The following HDAC4 variants were observed in gnomAD, a reference collection of about 807,000 sequenced individuals.
HDAC4 encodes the protein histone deacetylase 4.
In HDAC4, 16 loss-of-function variants were observed where a neutral mutation model predicts 135.1. The ratio of observed to expected loss-of-function variants is 0.12; its 90% CI spans 0.08 to 0.18. HDAC4 has a LOEUF of 0.18. Among genes scored for constraint, HDAC4 ranks in the 10% least tolerant of loss-of-function variants. The pLI, the probability that HDAC4 is intolerant of heterozygous loss-of-function variation, is 1.00. For missense variants in HDAC4, 1,143 were observed against 1,511.8 expected, an observed-to-expected ratio of 0.76 and a Z score of 4.05; for synonymous variants, 685 against 653.4, an observed-to-expected ratio of 1.05 and a Z score of -0.74.
chr2:239,329,897 C>T (rs1002852067), intron 2 of HDAC4, among the ~76,000 whole-genome samples: 5 of 151,956 alleles, frequency 3.3e-5, no homozygotes, highest in South Asian at 2.1e-4. Flanking sequence ...TAGTGGGAGG[C>T]GGCCACGGGT....
chr2:239,320,071 T>C (rs1378200989), intron 2 of HDAC4, among the ~76,000 whole-genome samples: 1 of 151,880 alleles, frequency 6.6e-6, no homozygotes, highest in Non-Finnish European at 1.5e-5. Context: ...TAAATGCGTG[T>C]GGAGGGGATA....
chr2:239,113,644 A>C (rs1444326263), intron 13 of HDAC4, among the ~76,000 whole-genome samples: 1 of 152,206 alleles, frequency 6.6e-6, no homozygotes, highest in Non-Finnish European at 1.5e-5. Flanking sequence ...CTAGCCCTAA[A>C]AATTATTAAT....
intron 1 of HDAC4, among the ~76,000 whole-genome samples, chr2:239,363,837 T>C (rs1214277410): frequency 2.0e-5 from 3 of 152,202 alleles, no homozygotes; most frequent in Non-Finnish European, 4.4e-5. Context: ...AAGGGACGGA[T>C]ATTCAAAATG....
intron 14 of HDAC4, among the ~76,000 whole-genome samples, chr2:239,110,707 C>T (rs944547012): frequency 2.0e-5 from 3 of 152,206 alleles, no homozygotes; most frequent in Non-Finnish European, 4.4e-5. Context: ...TTTCTTAGTG[C>T]GTCATTAACA....
intron 15 of HDAC4, among the ~76,000 whole-genome samples, chr2:239,105,062 C>G (rs538445420): frequency 6.6e-6 from 1 of 152,218 alleles, no homozygotes; most frequent in Admixed American, 6.5e-5. Flanking sequence ...AGACTGAGCA[C>G]CTGAGAGGCT....
chr2:239,111,469 G>A (rs1436571165), intron 14 of HDAC4, 57 bp downstream of exon 14: 50 of 1,518,028 alleles, frequency 3.3e-5, no homozygotes, highest in Non-Finnish European at 4.2e-5. Flanking sequence ...AGCCCCCCGC[G>A]CTGTGCCCAC....
chr2:239,321,781 T>A (rs1424219587), intron 2 of HDAC4, among the ~76,000 whole-genome samples: 1 of 152,038 alleles, frequency 6.6e-6, no homozygotes, highest in African/African-American at 2.4e-5. Flanking sequence ...ACATCACAGC[T>A]CCCGCCCACA....
In HDAC4 at chr2:239,285,212, A is replaced by T. The variant is rs1231942561; in HGVS notation, c.23-48548T>A. On this transcript the variant is annotated intron_variant, in intron 2 of 26. Transcript: ENST00000543185. This position sits in a 1 kb window ranked among gnomAD's most constrained non-coding sequence, Gnocchi z 4.5. ...AGAAAACAGGCAGCTGGATGAGCAC[A>T]GAGCCACGGTGGAGGGGGACAGAGC... Among the ~76,000 whole-genome samples the T allele has an allele frequency of 6.6e-6, 1 of 152,232 alleles. No homozygotes were observed. The highest frequency in any genetic ancestry group is 2.4e-5 in the African/African-American group (1 of 41,474).
intron 4 of HDAC4, among the ~76,000 whole-genome samples, chr2:239,182,176 T>C (rs1315864668): frequency 6.6e-6 from 1 of 152,144 alleles, no homozygotes; most frequent in Admixed American, 6.5e-5. Context: ...CAGGTTAACC[T>C]ATAAACATAC....
intron 3 of HDAC4, among the ~76,000 whole-genome samples, chr2:239,211,074 G>A (rs927995346): frequency 5.3e-5 from 8 of 152,090 alleles, no homozygotes; most frequent in East Asian, 1.9e-4. Flanking sequence ...AATCTTAAAC[G>A]TTACAATACC....
At chr2:239,083,142 A>G (rs3791373) in intron 20 of HDAC4, among the ~76,000 whole-genome samples, 57,996 of 152,204 alleles carry the variant, frequency 0.38, 11,463 homozygotes, top group Admixed American at 0.51. Flanking sequence ...CCCTGTCCGC[A>G]TGGTGTGTAC....
At chr2:239,378,989 T>C (rs1436166526) in intron 1 of HDAC4, among the ~76,000 whole-genome samples, 2 of 152,142 alleles carry the variant, frequency 1.3e-5, no homozygotes, top group Admixed American at 1.3e-4. Context: ...GCTCACTCAC[T>C]GGCACACAGC....
chr2:239,145,532 C>G (rs923656016), intron 7 of HDAC4, among the ~76,000 whole-genome samples: 1 of 152,350 alleles, frequency 6.6e-6, no homozygotes, highest in East Asian at 1.9e-4. Flanking sequence ...CTAAAGGCAG[C>G]GACCGGAGTC....
At chr2:239,369,358 G>A (rs774238957) in intron 1 of HDAC4, among the ~76,000 whole-genome samples, 8 of 152,084 alleles carry the variant, frequency 5.3e-5, no homozygotes, top group South Asian at 2.1e-4. Context: ...ACTGCCCGGC[G>A]GGGGGTGGGC....
intron 11 of HDAC4, 95 bp downstream of exon 11, chr2:239,134,150 A>C: frequency 1.0e-6 from 1 of 967,306 alleles, no homozygotes; most frequent in South Asian, 1.3e-5. Context: ...ACAGGCGTGC[A>C]TTCCTGTCTC....
At chr2:239,238,453 G>A (rs1043168891) in intron 2 of HDAC4, among the ~76,000 whole-genome samples, 1 of 152,122 alleles carries the variant, frequency 6.6e-6, no homozygotes, top group Non-Finnish European at 1.5e-5. Context: ...GACCACCCTG[G>A]TCAGGGTTCT....
At chr2:239,332,091 A>C (rs762316679) in intron 2 of HDAC4, among the ~76,000 whole-genome samples, 63 of 152,222 alleles carry the variant, frequency 4.1e-4, no homozygotes, top group Non-Finnish European at 7.3e-4. Context: ...AAATAGCTTC[A>C]AAATAAACAA....
chr2:239,142,311 G>A (rs2041437400), intron 8 of HDAC4, among the ~76,000 whole-genome samples: 1 of 152,122 alleles, frequency 6.6e-6, no homozygotes, highest in Non-Finnish European at 1.5e-5. Context: ...CCTGTCTTCT[G>A]GAAATCGGCT....
chr2:239,183,133 A>G (rs2044260303), intron 4 of HDAC4, among the ~76,000 whole-genome samples: 1 of 152,238 alleles, frequency 6.6e-6, no homozygotes, highest in South Asian at 2.1e-4. Context: ...TTCTAAGAAA[A>G]GCAAAAACAA....
Sources: gnomAD v4.1 joint callset for allele counts (sites outside exome capture counted in the v4.1 genomes callset) on GRCh38, gnomAD v4.1.1 for gene constraint, Gnocchi (gnomAD v3.1) non-coding constraint, MANE v1.5 for transcripts, NCBI Gene and HGNC (gene_info 2026-07-23, HGNC 2026-07-21) for gene names.